DPP10: variants seen among roughly 807,000 people sequenced by gnomAD.
DPP10 encodes dipeptidyl peptidase like 10.
DPP10 carries 33 observed loss-of-function variants against 120.9 expected under a neutral mutation model. The observed-to-expected ratio is 0.27, with a 90% CI of 0.21 to 0.37. The LOEUF (loss-of-function observed/expected upper bound fraction) is 0.37, where lower values mean the gene tolerates loss of function less well. Ranked by LOEUF, DPP10 falls within the 10% of genes least tolerant of loss-of-function variation. The probability of loss-of-function intolerance (pLI) is 1.00; values close to 1 mark genes in which losing one functional copy is unlikely to be tolerated. For synonymous variants in DPP10, 337 were observed against 326.1 expected (o/e 1.03, Z -0.36); for missense variants, 816 against 942.8 (o/e 0.87, Z 1.76).
intron 1 of DPP10, among the ~76,000 whole-genome samples, chr2:115,109,330 G>A (rs547952133): frequency 1.3e-5 from 2 of 152,238 alleles, no homozygotes; most frequent in Non-Finnish European, 2.9e-5. Context: ...GACGTCAGGA[G>A]ATCGAGACCA....
intron 1 of DPP10, among the ~76,000 whole-genome samples, chr2:114,790,484 G>A (rs541936847): frequency 9.5e-4 from 145 of 152,120 alleles, no homozygotes; most frequent in African/African-American, 3.1e-3. Flanking sequence ...ATGCGCGTCC[G>A]TGTGAAGAGG....
In DPP10 at chr2:115,242,006, T is replaced by A. The variant is rs538605246; in HGVS notation, c.61-67233T>A. Among the ~76,000 whole-genome samples, 222 of 152,174 alleles carry A rather than the reference T, an allele frequency of 1.5e-3. 2 individuals carry two copies. Among genetic ancestry groups the A allele is most frequent in the African/African-American group, 1.7e-3 (70 of 41,542 alleles). On this transcript the variant is annotated intron_variant, in intron 1 of 25. Coordinates refer to ENST00000410059, the MANE Select transcript of DPP10 (RefSeq NM_020868.6). ...TAGTTGTTTGGTGGTACAGTTTTTT[T>A]AAAAAAAATTTCTATAGGTTTTTGG... is the stretch of plus-strand genomic sequence containing the variant.
chr2:114,917,669 A>C (rs2106636085), intron 1 of DPP10, among the ~76,000 whole-genome samples: 1 of 152,214 alleles, frequency 6.6e-6, no homozygotes, highest in East Asian at 1.9e-4. Flanking sequence ...TGCAACCATC[A>C]GATCTTTCAC....
chr2:115,147,903 G>A (rs1315363677), intron 1 of DPP10, among the ~76,000 whole-genome samples: 8 of 152,124 alleles, frequency 5.3e-5, no homozygotes, highest in Non-Finnish European at 1.2e-4. Flanking sequence ...TTGGTAGATA[G>A]GGAAACCCCG....
In DPP10 at chr2:115,593,869, G is replaced by T. The variant is rs116324871; in HGVS notation, c.441+67897G>T. ...TCATTGTTCATATAGGCTTTTAGAC[G>T]TTGGCTTTGCTGGAACTTTTTTCAT... On this transcript the variant is annotated intron_variant, in intron 5 of 25. Coordinates refer to ENST00000410059, the MANE Select transcript of DPP10 (RefSeq NM_020868.6). Among the ~76,000 whole-genome samples, 1,377 of 152,264 alleles carry T rather than the reference G, an allele frequency of 9.0e-3. 16 individuals are homozygous for T. Among genetic ancestry groups the T allele is most frequent in the African/African-American group, 0.032 (1,338 of 41,556 alleles).
chr2:115,477,875 G>C (rs565761760), intron 3 of DPP10, among the ~76,000 whole-genome samples: 3 of 152,262 alleles, frequency 2.0e-5, no homozygotes, highest in South Asian at 4.1e-4. Flanking sequence ...GGGATGTATA[G>C]GAAGCATGGT....
At chr2:115,338,482 T>A (rs2063278478) in intron 2 of DPP10, among the ~76,000 whole-genome samples, 1 of 152,084 alleles carries the variant, frequency 6.6e-6, no homozygotes, top group Non-Finnish European at 1.5e-5. Flanking sequence ...TAGGCCTCAC[T>A]CTCTTGCCCA....
intron 3 of DPP10, among the ~76,000 whole-genome samples, chr2:115,483,463 CTATCTA>C (rs2075566217): frequency 1.1e-5 from 1 of 89,494 alleles, no homozygotes; most frequent in South Asian, 5.0e-4. Flanking sequence ...ATCTATCTAT[CTATCTA>C]TCTATCTATC....
chr2:115,073,565 C>T (rs927439278), intron 1 of DPP10, among the ~76,000 whole-genome samples: 1 of 152,228 alleles, frequency 6.6e-6, no homozygotes, highest in African/African-American at 2.4e-5. Context: ...CTGTATAACC[C>T]TGACCTTGAA....
At chr2:115,821,084 C>T (rs1239171474) in intron 21 of DPP10, among the ~76,000 whole-genome samples, 1 of 152,112 alleles carries the variant, frequency 6.6e-6, no homozygotes, top group African/African-American at 2.4e-5. Flanking sequence ...ATTTTTAAAA[C>T]TTCCATGTGT....
rs1023913933 is a variant in DPP10, at chr2:115,661,241, G to A, written c.442-28446G>A. On this transcript the variant is annotated intron_variant, in intron 5 of 25. Coordinates refer to ENST00000410059, the MANE Select transcript of DPP10 (RefSeq NM_020868.6). ...TGGGATTACAGGCGTGAGCCACCGC[G>A]ACCAGCCTGAAATATATTTTAATTT... Among the ~76,000 whole-genome samples the A allele has an allele frequency of 5.9e-5, 9 of 152,226 alleles. No homozygotes were observed. In the East Asian group the frequency reaches 1.2e-3, roughly 20 times the overall value.
At chr2:115,007,156 A>G (rs148242212) in intron 1 of DPP10, among the ~76,000 whole-genome samples, 2,517 of 152,300 alleles carry the variant, frequency 0.017, 54 homozygotes, top group African/African-American at 0.048. Flanking sequence ...CTTGATGAAC[A>G]TTGATGCAAA....
At chr2:115,110,512 G>A (rs1191797366) in intron 1 of DPP10, among the ~76,000 whole-genome samples, 8 of 151,974 alleles carry the variant, frequency 5.3e-5, no homozygotes, top group South Asian at 2.1e-4. Context: ...AAGGATTTAA[G>A]TTATTTTACT....
At chr2:115,754,448 C>A (rs1315134102) in intron 11 of DPP10, among the ~76,000 whole-genome samples, 8 of 152,070 alleles carry the variant, frequency 5.3e-5, no homozygotes, top group Non-Finnish European at 1.5e-5. Context: ...GAGTTCTGAA[C>A]AACAATAGTG....
chr2:114,454,482 T>C (rs1005309448), intron 1 of DPP10, among the ~76,000 whole-genome samples: 1 of 152,228 alleles, frequency 6.6e-6, no homozygotes. Context: ...TGACTGCTCA[T>C]GCTTTCTGCC....
chr2:114,483,445 A>G (rs72949890), intron 1 of DPP10, among the ~76,000 whole-genome samples: 5,507 of 152,072 alleles, frequency 0.036, 154 homozygotes, highest in Middle Eastern at 0.085. Flanking sequence ...TAACAAAATA[A>G]TCGTATTCTT....
chr2:114,562,357 A>T (rs1688831539), intron 1 of DPP10, among the ~76,000 whole-genome samples: 1 of 152,236 alleles, frequency 6.6e-6, no homozygotes, highest in Admixed American at 6.5e-5. Context: ...GTAAATATTT[A>T]TAACCCAATC....
In DPP10 at chr2:115,059,352, C is replaced by CTTT. The variant is rs70941024; in HGVS notation, c.61-249873_61-249871dup. Among the ~76,000 whole-genome samples, 416 of 135,748 alleles carry CTTT rather than the reference C, an allele frequency of 3.1e-3. 8 individuals carry two copies. Among genetic ancestry groups the CTTT allele is most frequent in the East Asian group, 0.015 (70 of 4,596 alleles). 89.1% of individuals were successfully genotyped at this position (135,748 alleles called of 152,430 possible). ...TTGATAAACATTACAGTAGGTATTTCTTTTTTTTTTTTTTTTGCCTATATA... is the reference window on the plus strand; with the variant it reads ...TTGATAAACATTACAGTAGGTATTTCTTTTTTTTTTTTTTTTTTTGCCTATATA... On this transcript the variant is annotated intron_variant, in intron 1 of 25. Transcript: ENST00000410059.
chr2:115,108,291 G>A lies in DPP10; in HGVS notation c.61-200948G>A, dbSNP rs529526531. Reference sequence around the variant, plus strand: ...GTTTGCAAACTCAGATGCCAGCAGAGGTTTGGTAGGTAATATACAAGAATT... The same window carrying A: ...GTTTGCAAACTCAGATGCCAGCAGAAGTTTGGTAGGTAATATACAAGAATT... On this transcript the variant is annotated intron_variant, in intron 1 of 25. Coordinates refer to ENST00000410059, the MANE Select transcript of DPP10 (RefSeq NM_020868.6). Among the ~76,000 whole-genome samples the A allele has an allele frequency of 1.9e-3, 282 of 152,308 alleles. 2 individuals carry two copies. Among genetic ancestry groups the A allele is most frequent in the African/African-American group, 6.4e-3 (265 of 41,574 alleles).
Sources: gnomAD v4.1 joint callset for allele counts (sites outside exome capture counted in the v4.1 genomes callset) on GRCh38, gnomAD v4.1.1 for gene constraint, MANE v1.5 for transcripts, NCBI Gene and HGNC (gene_info 2026-07-23, HGNC 2026-07-21) for gene names.